The following KIF4A variants were observed in gnomAD, a reference collection of about 807,000 sequenced individuals.
The protein encoded by KIF4A is chromosome-associated kinesin KIF4A.
Under a neutral mutation model 105.9 loss-of-function variants are expected in KIF4A, and 7 were observed. The ratio of observed to expected loss-of-function variants is 0.07; its 90% CI spans 0.04 to 0.12. The LOEUF (loss-of-function observed/expected upper bound fraction) is 0.12. Among genes scored for constraint, KIF4A ranks in the 10% least tolerant of loss-of-function variants. The pLI, the probability that KIF4A is intolerant of heterozygous loss-of-function variation, is 1.00. For synonymous variants in KIF4A, 281 were observed against 331.3 expected (o/e 0.85, Z 1.65); for missense variants, 558 against 929.2 (o/e 0.60, Z 5.19).
chrX:70,312,454 A>G (rs1229709293), intron 7 of KIF4A, among the ~76,000 whole-genome samples: 2 of 111,463 alleles, frequency 1.8e-5, no homozygotes, highest in Non-Finnish European at 3.8e-5. Flanking sequence ...CAAGGCCTAA[A>G]TGTCCTTTAA....
chrX:70,406,889 C>T lies in KIF4A; in HGVS notation c.3073-4C>T, dbSNP rs10482161. The T allele has an allele frequency of 0.08, 96,804 of 1,207,151 alleles. 2,990 individuals carry two copies. The highest frequency in any genetic ancestry group is 0.12 in the African/African-American group (6,890 of 56,876). ...ACTAAACTACTCCAAACCTTTTTTC[C>T]TAGCCAAAACCTTCTCGTGTTAAAG... On this transcript the variant is annotated splice_polypyrimidine_tract_variant and splice_region_variant and intron_variant, in intron 27 of 30. Transcript: ENST00000374403.
chrX:70,375,487 A>C (rs2086171277), intron 17 of KIF4A, 139 bp downstream of exon 17: 2 of 623,329 alleles, frequency 3.2e-6, no homozygotes, highest in Non-Finnish European at 4.9e-6. Flanking sequence ...ATCTCCACAA[A>C]TGTCCCTTTT....
intron 14 of KIF4A, 50 bp downstream of exon 14, chrX:70,352,706 C>T: frequency 1.2e-6 from 1 of 863,273 alleles, no homozygotes; most frequent in Non-Finnish European, 1.7e-6. Flanking sequence ...ACTGCCGTTT[C>T]CTATAATTTA....
At chrX:70,315,178 T>G (rs1569231586) in intron 7 of KIF4A, among the ~76,000 whole-genome samples, 1 of 111,923 alleles carries the variant, frequency 8.9e-6, no homozygotes, top group Non-Finnish European at 1.9e-5. Flanking sequence ...TATAGCTCTG[T>G]TCTAACAGGT....
chrX:70,416,068 T>C (rs1406918741), intron 28 of KIF4A, among the ~76,000 whole-genome samples: 2 of 109,319 alleles, frequency 1.8e-5, no homozygotes, highest in Non-Finnish European at 3.8e-5. Flanking sequence ...GGTTTCACCA[T>C]GTTGGTCAGG....
chrX:70,359,453 CTCTT>C lies in KIF4A; in HGVS notation c.1674+5664_1674+5667del, dbSNP rs1374518799. Among the ~76,000 whole-genome samples the C allele has an allele frequency of 1.0e-3, 108 of 108,102 alleles. No individual in the cohort carries two copies. In the South Asian group the frequency reaches 0.016, roughly 16 times the overall value. The allele number at this position is 108,102 out of a possible 115,157, so 93.9% of individuals were successfully genotyped here. On this transcript the variant is annotated intron_variant, in intron 15 of 30. Coordinates refer to ENST00000374403, the MANE Select transcript of KIF4A (RefSeq NM_012310.5). Reference sequence around the variant, plus strand: ...TTTCTTTCTTTCTCTCTCTCTCTCTCTCTTTCTTTCTTTCTTTCTTTAACCGGAG... The same window carrying C: ...TTTCTTTCTTTCTCTCTCTCTCTCTCTCTTTCTTTCTTTCTTTAACCGGAG...
chrX:70,321,090 C>G (rs2085888106), intron 7 of KIF4A, among the ~76,000 whole-genome samples: 1 of 111,621 alleles, frequency 9.0e-6, no homozygotes. Flanking sequence ...AAAAACATAG[C>G]CAAATCTTCC....
intron 18 of KIF4A, among the ~76,000 whole-genome samples, chrX:70,385,709 A>T (rs936175490): frequency 8.9e-6 from 1 of 112,078 alleles, no homozygotes; most frequent in Non-Finnish European, 1.9e-5. Flanking sequence ...TGAAGCCAGA[A>T]GGAGCTTAAT....
intron 15 of KIF4A, among the ~76,000 whole-genome samples, chrX:70,371,205 T>C (rs2789638): frequency 2.8e-5 from 3 of 106,529 alleles, no homozygotes; most frequent in Non-Finnish European, 5.8e-5. Context: ...GGTTTTCCAC[T>C]GTCAAACTTC....
At chrX:70,323,094 A>C (rs2085897918) in intron 7 of KIF4A, among the ~76,000 whole-genome samples, 1 of 108,618 alleles carries the variant, frequency 9.2e-6, no homozygotes. Context: ...TGTGCCTCGT[A>C]CTCTCTCATC....
chrX:70,359,596 G>T (rs766448080), intron 15 of KIF4A, among the ~76,000 whole-genome samples: 1 of 110,095 alleles, frequency 9.1e-6, no homozygotes, highest in Non-Finnish European at 1.9e-5. Flanking sequence ...TGCTTCCTTG[G>T]CCTTAGGGTG....
At chrX:70,396,304 C>G in intron 22 of KIF4A, 1 of 236,268 alleles carries the variant, frequency 4.2e-6, no homozygotes, top group Non-Finnish European at 7.6e-6. Flanking sequence ...AGTGGGTTAT[C>G]AGAACTTATT....
In KIF4A at chrX:70,332,702, A is replaced by G. The variant is rs192314996; in HGVS notation, c.1072-926A>G. Among the ~76,000 whole-genome samples, 321 of 110,773 alleles carry G rather than the reference A, an allele frequency of 2.9e-3. 1 individual carries two copies. The highest frequency in any genetic ancestry group is 9.7e-3 in the African/African-American group (297 of 30,465). ...AGAAATTGAAAATATAGAAGAGAGA[A>G]GGGATAACAGTGTAAGATTCATAAG... On this transcript the variant is annotated intron_variant, in intron 9 of 30. Transcript: ENST00000374403.
rs192270061 is a variant in KIF4A at position 70,394,779 on chromosome X, T to C, written c.2233-892T>C. 3.2e-3 allele frequency among the ~76,000 whole-genome samples: 362 copies of C among 112,311 alleles called. 2 individuals carry two copies. The highest frequency in any genetic ancestry group is 0.011 in the African/African-American group (346 of 30,981). On this transcript the variant is annotated intron_variant, in intron 20 of 30. Coordinates refer to ENST00000374403, the MANE Select transcript of KIF4A (RefSeq NM_012310.5). Reference sequence around the variant, plus strand: ...CGTACACATTAAGGATTATATTCTATTGAACAATCGGCTCCTTTATCATGA... The same window carrying C: ...CGTACACATTAAGGATTATATTCTACTGAACAATCGGCTCCTTTATCATGA...
At chrX:70,384,636 A>G (rs1333313605) in intron 18 of KIF4A, among the ~76,000 whole-genome samples, 2 of 110,267 alleles carry the variant, frequency 1.8e-5, no homozygotes, top group Non-Finnish European at 3.8e-5. Flanking sequence ...AGGCAGGAGA[A>G]TCGCTTGAAC....
Sources: allele counts gnomAD v4.1 joint callset (sites outside exome capture counted in the v4.1 genomes callset), GRCh38; gene constraint gnomAD v4.1.1; transcripts MANE v1.5; gene names NCBI Gene and HGNC (gene_info 2026-07-23, HGNC 2026-07-21).